PGAP6: variants seen among roughly 807,000 people sequenced by gnomAD.
PGAP6 encodes the protein post-GPI attachment to proteins 6, also known as post-GPI attachment to proteins factor 6.
In PGAP6, 62 loss-of-function variants were observed where a neutral mutation model predicts 68.4. The ratio of observed to expected loss-of-function variants is 0.91; its 90% CI spans 0.74 to 1.12. PGAP6 has a LOEUF of 1.12. Among genes scored for constraint, PGAP6 ranks in the 50% most tolerant of loss-of-function variants. PGAP6 has a pLI of 0.00. For missense variants in PGAP6, 1,188 were observed against 1,068.5 expected (o/e 1.11, Z -1.56); for synonymous variants, 575 against 474.0 (o/e 1.21, Z -2.77).
At chr16:373,829 C>T (rs1193329440) in intron 11 of PGAP6, among the ~76,000 whole-genome samples, 176 bp downstream of exon 11, 1 of 30,566 alleles carries the variant, frequency 3.3e-5, no homozygotes, top group Non-Finnish European at 7.4e-5. Context: ...AGGTGTGAGC[C>T]ACCATGCTCG....
rs184411379 is a variant in PGAP6 at position 375,068 on chromosome 16, C to T, written c.1439+65G>A. The T allele has an allele frequency of 1.5e-4, 234 of 1,593,396 alleles. 1 individual carries two copies. In the African/African-American group the frequency reaches 2.6e-3, roughly 18 times the overall value. On this transcript the variant is annotated intron_variant, in intron 8 of 12. Coordinates refer to ENST00000431232, the MANE Select transcript of PGAP6 (RefSeq NM_021259.3). ...CTCCGAACGCCAACCTCAGGCAGCC[C>T]GGCCTGTGGTCCTGAGTGAAATGAC... is the stretch of plus-strand genomic sequence containing the variant.
At chr16:383,285 A>G (rs2054460643), upstream of PGAP6, 1 of 152,178 alleles carries the variant, frequency 6.6e-6, no homozygotes, top group African/African-American at 2.4e-5. Context: ...AAACTGTACT[A>G]ACAGGTGAGA....
chr16:376,068 G>A, intron 6 of PGAP6, 68 bp downstream of exon 6: 1 of 1,456,638 alleles, frequency 6.9e-7, no homozygotes, highest in South Asian at 1.3e-5. Context: ...TAAATGAGGA[G>A]GCGCTGCAGG....
upstream of PGAP6, chr16:382,336 C>CG (rs972481204): frequency 7.7e-6 from 3 of 387,378 alleles, no homozygotes; most frequent in East Asian, 3.7e-5. Context: ...GGGGAGCCCG[C>CG]GGGGGGCAGA....
upstream of PGAP6, among the ~76,000 whole-genome samples, chr16:384,763 G>A (rs1316465926): frequency 2.6e-5 from 4 of 151,958 alleles, no homozygotes; most frequent in Non-Finnish European, 4.4e-5. Flanking sequence ...GGCTGAGGCA[G>A]GAGAATGGCG....
At chr16:376,934 C>G in intron 4 of PGAP6, 103 bp downstream of exon 4, 1 of 1,561,644 alleles carries the variant, frequency 6.4e-7, no homozygotes, top group Non-Finnish European at 8.6e-7. Flanking sequence ...GACCACTTCC[C>G]AGCCCAACCC....
chr16:377,110 C>A lies in PGAP6; in HGVS notation c.562G>T (p.Val188Leu), dbSNP rs199981550. 2.5e-6 allele frequency: 4 copies of A among 1,613,632 alleles called. No homozygotes were observed. Among genetic ancestry groups the A allele is most frequent in the Non-Finnish European group, 8.5e-7 (1 of 1,180,010 alleles). Residue 188 changes from valine to leucine, a missense_variant, in exon 4 of 13, where the codon GTG (valine) becomes TTG (leucine). Transcript: ENST00000431232. ...GGCTCCATGATGGAAATCTCGACCA[C>A]CCGCGTGACCAGCAGTTCAGGCTGG... ...VFQPELLVTRVVEISIMEPDV... is the reference protein window; with the variant it reads ...VFQPELLVTRLVEISIMEPDV...
rs1469764605 is a variant in PGAP6, at chr16:376,108, C to T, written c.1224+28G>A. 1.9e-6 allele frequency: 3 copies of T among 1,574,624 alleles called. No homozygotes were observed. The East Asian group carries it at 6.8e-5, about 36-fold the overall frequency. On this transcript the variant is annotated intron_variant, in intron 6 of 12. Transcript: ENST00000431232. ...GCCCGGCGCCCTGCCCGAGCCCAGGCCACAGGCCGCTTGCAGACAGCAGGT... is the reference window on the plus strand; with the variant it reads ...GCCCGGCGCCCTGCCCGAGCCCAGGTCACAGGCCGCTTGCAGACAGCAGGT...
intron 2 of PGAP6, 29 bp downstream of exon 2, chr16:377,642 G>A (rs370999861): frequency 1.3e-5 from 21 of 1,573,402 alleles, no homozygotes; most frequent in Middle Eastern, 1.7e-4. Flanking sequence ...GGCGCGGGAG[G>A]GTGGGCAGGC....
chr16:383,038 C>T (rs2054457323), upstream of PGAP6, among the ~76,000 whole-genome samples: 3 of 152,188 alleles, frequency 2.0e-5, no homozygotes, highest in Non-Finnish European at 4.4e-5. Flanking sequence ...ATCGCCTGAA[C>T]CCGGGAAGCG....
At position 375,386 on chromosome 16, in the gene PGAP6, G is replaced by T; in HGVS notation, c.1274C>A (p.Ser425Ter). ...TVVVACVNAA[S>*]PFLGFNTSLN... ...CGAAGTATTGAAGCCAAGGAAGGGC[G>T]AGGCAGCATTCACGCAGGCCACTAC... The change falls in exon 7 of 13, where the codon TCG (serine) becomes TAG (stop). Residue 425 changes from serine (S) to a stop codon, truncating the protein, a stop_gained. Transcript: ENST00000431232. LOFTEE classifies it high-confidence loss of function. 1 of 1,613,000 alleles carries T rather than the reference G, an allele frequency of 6.2e-7. No homozygotes were observed. Among genetic ancestry groups the T allele is most frequent in the East Asian group, 2.2e-5 (1 of 44,874 alleles).
At position 376,463 on chromosome 16, in the gene PGAP6, G is replaced by T; in HGVS notation, c.905-8C>A. The T allele has an allele frequency of 6.4e-7, 1 of 1,557,514 alleles. No homozygotes were observed. Among genetic ancestry groups the T allele is most frequent in the Non-Finnish European group, 8.7e-7 (1 of 1,149,616 alleles). ...CGCTCCGTGGCCTGCAAGCTGCCGA[G>T]AGGACAAGGGGTTTGGCTGGAGGAA... On this transcript the variant is annotated splice_region_variant and splice_polypyrimidine_tract_variant and intron_variant, in intron 5 of 12. Coordinates refer to ENST00000431232, the MANE Select transcript of PGAP6 (RefSeq NM_021259.3).
chr16:379,887 C>T lies in PGAP6; in HGVS notation c.121+1814G>A, dbSNP rs566973312. Among the ~76,000 whole-genome samples, 14 of 152,318 alleles carry T rather than the reference C, an allele frequency of 9.2e-5. No homozygotes were observed. In the South Asian group the frequency reaches 1.9e-3, roughly 20 times the overall value. On this transcript the variant is annotated intron_variant, in intron 1 of 12. Coordinates refer to ENST00000431232, the MANE Select transcript of PGAP6 (RefSeq NM_021259.3). ...CGAGGTGACCACAGGGTGAGGAGGG[C>T]CAGCTACACAGCCCCCTGCCTGCCC...
intron 7 of PGAP6, 35 bp downstream of exon 7, chr16:375,310 G>A (rs753829920): frequency 3.7e-5 from 60 of 1,612,416 alleles, no homozygotes; most frequent in African/African-American, 5.3e-5. Context: ...GGGGCTGGCC[G>A]GGGCCACGCT....
intron 1 of PGAP6, among the ~76,000 whole-genome samples, chr16:379,148 G>C (rs564161543): frequency 6.6e-5 from 10 of 152,292 alleles, no homozygotes; most frequent in African/African-American, 9.6e-5. Context: ...CACAGCAGGG[G>C]GCGGGACCCT....
At chr16:380,757 G>A (rs1024739794) in intron 1 of PGAP6, among the ~76,000 whole-genome samples, 1 of 135,952 alleles carries the variant, frequency 7.4e-6, no homozygotes, top group Admixed American at 8.0e-5. Flanking sequence ...CACAGCCCCC[G>A]AAAGAAACAG....
At chr16:378,278 A>ACTGACATCGCCACCCG (rs2054407028) in intron 1 of PGAP6, among the ~76,000 whole-genome samples, 2 of 13,636 alleles carry the variant, frequency 1.5e-4, no homozygotes, top group Non-Finnish European at 1.6e-4. Context: ...ATCCCCACCC[A>ACTGACATCGCCACCCG]CACTGCCATC....
Position 381,709 on chromosome 16 carries a change from C to T in PGAP6, c.113G>A (p.Gly38Glu). 3.3e-6 allele frequency: 4 copies of T among 1,210,892 alleles called. No homozygotes were observed. The highest frequency in any genetic ancestry group is 4.1e-6 in the Non-Finnish European group (4 of 973,708). 75.0% of individuals were successfully genotyped at this position (1,210,892 alleles called of 1,614,324 possible). A position where few individuals can be genotyped will look rare whatever the true frequency, so the allele number is the denominator to read the frequency against. The change falls in exon 1 of 13, where the codon GGG becomes GAG. Residue 38 changes from glycine (G) to glutamate (E), a missense_variant. Transcript: ENST00000431232. ...CCGCGCCTCCCGCTCACCGCTCTTC[C>T]CGCTGTAGCCGGCGGAGGCAGGCGG... is the stretch of plus-strand genomic sequence containing the variant. ...RPPPASAGYSGKSEVGLVSEH... is the reference protein window; with the variant it reads ...RPPPASAGYSEKSEVGLVSEH...
chr16:375,936 C>T (rs111359803), intron 6 of PGAP6, among the ~76,000 whole-genome samples, 200 bp downstream of exon 6: 1 of 152,248 alleles, frequency 6.6e-6, no homozygotes, highest in Non-Finnish European at 1.5e-5. Context: ...ACCCGAGCTA[C>T]CCCACAGCCC....
Sources: allele counts gnomAD v4.1 joint callset (sites outside exome capture counted in the v4.1 genomes callset), GRCh38; gene constraint gnomAD v4.1.1; transcripts MANE v1.5; gene names NCBI Gene and HGNC (gene_info 2026-07-23, HGNC 2026-07-21).